IQCM: variants seen among roughly 807,000 people sequenced by gnomAD.
IQCM encodes IQ motif containing M.
IQCM carries 45 observed loss-of-function variants against 57.6 expected under a neutral mutation model. That is an observed-to-expected ratio of 0.78 (90% confidence interval 0.62 to 1.00). IQCM has a LOEUF of 1.00. IQCM is among the 50% of genes least tolerant of loss of function. The pLI is 0.00. For missense variants in IQCM, 468 were observed against 511.6 expected, an observed-to-expected ratio of 0.91 and a Z score of 0.82; for synonymous variants, 148 against 158.9, an observed-to-expected ratio of 0.93 and a Z score of 0.51.
rs1241207993 is a variant in IQCM at position 149,368,968 on chromosome 4, ATATATGTG to A, written c.1391-16910_1391-16903del. 3.4e-3 allele frequency among the ~76,000 whole-genome samples: 188 copies of A among 54,888 alleles called. 13 individuals are homozygous for A. Among genetic ancestry groups the A allele is most frequent in the Middle Eastern group, 9.3e-3 (1 of 108 alleles). The allele number at this position is 54,888 out of a possible 152,430, so 36.0% of individuals were successfully genotyped here. A position where few individuals can be genotyped will look rare whatever the true frequency, so the allele number is the denominator to read the frequency against. On this transcript the variant is annotated intron_variant, in intron 13 of 13. Coordinates refer to ENST00000636793, the MANE Select transcript of IQCM (RefSeq NM_001363507.2). Reference sequence around the variant, plus strand: ...TGTGTATATATATACACGTGTATATATATATGTGTATATATATACACGTGTATATATAT... The same window carrying A: ...TGTGTATATATATACACGTGTATATATATATATATACACGTGTATATATAT...
chr4:149,389,763 C>T (rs925978513), intron 13 of IQCM, among the ~76,000 whole-genome samples: 3 of 151,072 alleles, frequency 2.0e-5, no homozygotes, highest in Admixed American at 2.0e-4. Context: ...TGCTAGATGA[C>T]GAGTTAGTGG....
chr4:149,669,104 A>T (rs925248508), intron 7 of IQCM, among the ~76,000 whole-genome samples: 1 of 152,200 alleles, frequency 6.6e-6, no homozygotes, highest in Non-Finnish European at 1.5e-5. Flanking sequence ...ACAGTGTAAA[A>T]GTGTTCCTAT....
At chr4:149,529,945 CTGT>C (rs1390129384) in intron 12 of IQCM, among the ~76,000 whole-genome samples, 1 of 152,186 alleles carries the variant, frequency 6.6e-6, no homozygotes, top group Non-Finnish European at 1.5e-5. Flanking sequence ...GACTGCTCCA[CTGT>C]TGTTTCCTTT....
intron 12 of IQCM, among the ~76,000 whole-genome samples, chr4:149,524,600 A>ATTT (rs1323484655): frequency 6.6e-6 from 1 of 152,012 alleles, no homozygotes; most frequent in Non-Finnish European, 1.5e-5. Context: ...AAAGGAACTT[A>ATTT]ATACACCTCT....
intron 12 of IQCM, among the ~76,000 whole-genome samples, chr4:149,452,381 G>C (rs961162227): frequency 2.0e-5 from 3 of 150,350 alleles, no homozygotes; most frequent in Non-Finnish European, 4.4e-5. Context: ...ATCTAGAATA[G>C]CCAAAATAAC....
intron 8 of IQCM, among the ~76,000 whole-genome samples, chr4:149,595,433 A>T (rs1314251918): frequency 6.6e-6 from 1 of 152,184 alleles, no homozygotes; most frequent in Non-Finnish European, 1.5e-5. Context: ...GTTTGTTTAA[A>T]TAGGTACTGT....
intron 12 of IQCM, among the ~76,000 whole-genome samples, chr4:149,469,153 C>G (rs974568172): frequency 2.0e-5 from 3 of 152,072 alleles, no homozygotes; most frequent in Admixed American, 2.0e-4. Flanking sequence ...AGGCTTCAGA[C>G]GATCGGTAAT....
chr4:149,768,040 C>G (rs1770222578), intron 2 of IQCM, among the ~76,000 whole-genome samples: 2 of 152,054 alleles, frequency 1.3e-5, no homozygotes, highest in Non-Finnish European at 2.9e-5. Context: ...ATGTGATAAT[C>G]AGTTCCACGT....
intron 7 of IQCM, among the ~76,000 whole-genome samples, chr4:149,671,610 C>T (rs1306342234): frequency 6.6e-6 from 1 of 152,124 alleles, no homozygotes; most frequent in Non-Finnish European, 1.5e-5. Flanking sequence ...CTCTTGTGGG[C>T]ATTTAGTGCT....
chr4:149,800,696 AAC>A (rs1199094249), intron 2 of IQCM, among the ~76,000 whole-genome samples: 4 of 152,126 alleles, frequency 2.6e-5, no homozygotes, highest in African/African-American at 9.6e-5. Flanking sequence ...TCTATATGCC[AAC>A]AGAGAGCAAT....
At chr4:149,410,419 CCT>C (rs1491290151) in intron 13 of IQCM, among the ~76,000 whole-genome samples, 5 of 148,254 alleles carry the variant, frequency 3.4e-5, no homozygotes, top group Non-Finnish European at 5.9e-5. Flanking sequence ...TATACACACA[CCT>C]GTGTGTGTGT....
intron 5 of IQCM, among the ~76,000 whole-genome samples, chr4:149,716,804 C>A (rs1361659794): frequency 6.6e-6 from 1 of 152,180 alleles, no homozygotes; most frequent in Non-Finnish European, 1.5e-5. Flanking sequence ...CCTCTCACAT[C>A]CAAGTAACCA....
At chr4:149,664,513 C>T (rs1760514963) in intron 7 of IQCM, among the ~76,000 whole-genome samples, 1 of 152,046 alleles carries the variant, frequency 6.6e-6, no homozygotes, top group African/African-American at 2.4e-5. Context: ...GGCTTTGGTT[C>T]TGTGAGGACT....
chr4:149,538,376 A>G (rs770120991), intron 12 of IQCM, among the ~76,000 whole-genome samples: 2 of 151,890 alleles, frequency 1.3e-5, no homozygotes, highest in Non-Finnish European at 2.9e-5. Context: ...TAAGAAAATA[A>G]TTATTAAAAT....
intron 5 of IQCM, among the ~76,000 whole-genome samples, chr4:149,699,942 C>T (rs1028300008): frequency 4.6e-5 from 7 of 151,838 alleles, no homozygotes; most frequent in East Asian, 1.9e-4. Flanking sequence ...CTCCCTGCAG[C>T]GGAGGAGGGG....
intron 2 of IQCM, among the ~76,000 whole-genome samples, chr4:149,806,656 A>T: frequency 1.3e-5 from 2 of 152,130 alleles, no homozygotes; most frequent in Middle Eastern, 6.8e-3. Context: ...ATTTTATTAA[A>T]TAATAGCTGG....
intron 13 of IQCM, 150 bp from the exon 14 acceptor site, chr4:149,352,216 G>A (rs1728630404): frequency 7.7e-6 from 3 of 391,830 alleles, no homozygotes; most frequent in Non-Finnish European, 1.3e-5. Flanking sequence ...TTTCCTTCGG[G>A]TGTAGTGTGT....
intron 5 of IQCM, among the ~76,000 whole-genome samples, chr4:149,731,308 C>G (rs910618933): frequency 6.6e-6 from 1 of 152,080 alleles, no homozygotes; most frequent in Non-Finnish European, 1.5e-5. Context: ...TCCCTTCCAC[C>G]ATGTGAAGAC....
intron 13 of IQCM, among the ~76,000 whole-genome samples, chr4:149,407,238 A>C (rs1210392521): frequency 6.6e-6 from 1 of 152,134 alleles, no homozygotes; most frequent in African/African-American, 2.4e-5. Flanking sequence ...GGTCCAGCTA[A>C]ACCATATCAC....
Sources: gnomAD v4.1 joint callset for allele counts (sites outside exome capture counted in the v4.1 genomes callset) on GRCh38, gnomAD v4.1.1 for gene constraint, MANE v1.5 for transcripts, NCBI Gene and HGNC (gene_info 2026-07-23, HGNC 2026-07-21) for gene names.